The following CDKL5 variants were observed in gnomAD, a reference collection of about 807,000 sequenced individuals.
The protein encoded by CDKL5 is cyclin dependent kinase like 5, also known as cyclin-dependent kinase-like 5.
Under a neutral mutation model 61.7 loss-of-function variants are expected in CDKL5, and 8 were observed. The ratio of observed to expected loss-of-function variants is 0.13; its 90% CI spans 0.08 to 0.23. CDKL5 has a LOEUF of 0.23. Among genes scored for constraint, CDKL5 ranks in the 10% least tolerant of loss-of-function variants. The pLI, the probability that CDKL5 is intolerant of heterozygous loss-of-function variation, is 1.00. For synonymous variants in CDKL5, 275 were observed against 272.3 expected (o/e 1.01, Z -0.10); for missense variants, 440 against 734.5 (o/e 0.60, Z 4.63).
rs1465306538 is a variant in CDKL5 at position 18,632,653 on chromosome X, C to T, written c.*3896C>T. On this transcript the variant is annotated 3_prime_UTR_variant, in exon 18 of 18. Transcript: ENST00000623535. ...AAAACATGCTTTAAGATTCACCTTA[C>T]GCAGTTGTACTTTAATTCTAAGCTC... 3.1e-5 allele frequency: 23 copies of T among 752,324 alleles called. No individual in the cohort carries two copies. Among genetic ancestry groups the T allele is most frequent in the African/African-American group, 1.6e-4 (7 of 43,270 alleles). The allele number at this position is 752,324 out of a possible 1,213,427, so 62.0% of individuals were successfully genotyped here.
intron 15 of CDKL5, 65 bp downstream of exon 15, chrX:18,613,340 T>C: frequency 9.4e-7 from 1 of 1,060,607 alleles, no homozygotes; most frequent in Non-Finnish European, 1.3e-6. Flanking sequence ...TTGAAATAAA[T>C]TCTGGATGAG....
chrX:18,512,795 G>A (rs983333230), intron 3 of CDKL5, among the ~76,000 whole-genome samples: 1 of 111,159 alleles, frequency 9.0e-6, no homozygotes, highest in African/African-American at 3.3e-5. Context: ...TTAATGACTT[G>A]CCTTTAGTTA....
chrX:18,529,080 CT>C (rs57521306), intron 3 of CDKL5, among the ~76,000 whole-genome samples: 4,245 of 101,259 alleles, frequency 0.042, 243 homozygotes, highest in African/African-American at 0.14. Flanking sequence ...GTTGTACTTA[CT>C]TTTTTTTTTT....
intron 6 of CDKL5, among the ~76,000 whole-genome samples, chrX:18,581,009 T>C (rs908070981): frequency 1.8e-5 from 2 of 111,680 alleles, no homozygotes; most frequent in South Asian, 3.7e-4. Flanking sequence ...ATGATTCTAG[T>C]AACAGTCTAT....
chrX:18,640,227 C>A (rs1927516713), downstream of CDKL5: 1 of 111,520 alleles, frequency 9.0e-6, no homozygotes, highest in South Asian at 3.7e-4. Flanking sequence ...CTCCCTGCCT[C>A]ACTGTTTCCT....
Position 18,551,016 on chromosome X carries a change from A to G in CDKL5, c.100-13461A>G, listed in dbSNP as rs188363271. Among the ~76,000 whole-genome samples the G allele has an allele frequency of 1.7e-3, 189 of 112,055 alleles. 1 individual carries two copies. The highest frequency in any genetic ancestry group is 0.014 in the Middle Eastern group (3 of 216). ...ATGCATCTCAAATTTTATATGATCTATAAGTATGGAGCTAGACTGTTTTGA... is the reference window on the plus strand; with the variant it reads ...ATGCATCTCAAATTTTATATGATCTGTAAGTATGGAGCTAGACTGTTTTGA... On this transcript the variant is annotated intron_variant, in intron 3 of 17. Transcript: ENST00000623535.
chrX:18,580,100 G>A, intron 6 of CDKL5, 132 bp downstream of exon 6: 1 of 550,266 alleles, frequency 1.8e-6, no homozygotes, highest in East Asian at 3.6e-5. Context: ...TATTTTGAAA[G>A]TGCAAGACAT....
intron 1 of CDKL5, among the ~76,000 whole-genome samples, chrX:18,478,330 G>A (rs1013798522): frequency 1.2e-5 from 1 of 86,334 alleles, no homozygotes; most frequent in East Asian, 3.7e-4. Flanking sequence ...TCACTTTGTC[G>A]CCCAGGTTGG....
At chrX:18,452,819 GTTTTTTTTT>G (rs757726659) in intron 1 of CDKL5, among the ~76,000 whole-genome samples, 1 of 57,683 alleles carries the variant, frequency 1.7e-5, no homozygotes, top group East Asian at 7.2e-4. Flanking sequence ...TAGTTCTCAA[GTTTTTTTTT>G]TTTTTTTTTT....
At chrX:18,449,290 C>T (rs759871668) in intron 1 of CDKL5, among the ~76,000 whole-genome samples, 4 of 112,238 alleles carry the variant, frequency 3.6e-5, no homozygotes, top group Non-Finnish European at 5.6e-5. Flanking sequence ...TTATTTCTTT[C>T]GCTTATTTCA....
intron 3 of CDKL5, among the ~76,000 whole-genome samples, chrX:18,541,021 T>C (rs1432550416): frequency 8.9e-6 from 1 of 112,150 alleles, no homozygotes; most frequent in Non-Finnish European, 1.9e-5. Context: ...AAAATTGTGC[T>C]GTTTCCTTTT....
chrX:18,646,193 C>T, intron 20 of CDKL5: 4 of 1,143,669 alleles, frequency 3.5e-6, no homozygotes, highest in Non-Finnish European at 4.7e-6. Flanking sequence ...GCTCTGTCGC[C>T]CAGGCTGGTG....
intron 11 of CDKL5, among the ~76,000 whole-genome samples, chrX:18,599,684 G>T (rs906091311): frequency 5.4e-5 from 6 of 111,614 alleles, no homozygotes; most frequent in African/African-American, 2.0e-4. Flanking sequence ...CAAACTCCTG[G>T]CCTCAAACAG....
chrX:18,653,064 T>C (rs772849803), intron 21 of CDKL5, among the ~76,000 whole-genome samples: 90 of 112,546 alleles, frequency 8.0e-4, no homozygotes, highest in African/African-American at 2.8e-3. Context: ...CTTGAATATA[T>C]GTGACAATAT....
intron 21 of CDKL5, among the ~76,000 whole-genome samples, chrX:18,651,262 T>TGAGA (rs1338222386): frequency 4.2e-4 from 33 of 77,729 alleles, no homozygotes; most frequent in African/African-American, 1.6e-3. Flanking sequence ...TGTGTGTGTG[T>TGAGA]GTGAGAGAGA....
chrX:18,511,708 G>A (rs913332121), intron 3 of CDKL5, among the ~76,000 whole-genome samples: 2 of 111,668 alleles, frequency 1.8e-5, no homozygotes, highest in African/African-American at 6.5e-5. Flanking sequence ...TTTTCAGAAT[G>A]TATTCTTGTC....
rs904962214 is a variant in CDKL5 at position 18,640,005 on chromosome X, A to T, written c.*11248A>T. 9.0e-6 allele frequency: 1 copy of T among 111,679 alleles called. No individual in the cohort carries two copies. The highest frequency in any genetic ancestry group is 3.3e-5 in the African/African-American group (1 of 30,663). 9.2% of individuals were successfully genotyped at this position (111,679 alleles called of 1,213,427 possible). ...GGTTGCAGAGGGCTTGGGGTGGCCG[A>T]TGGGTTGGGGAGTGTTGGCTGATGG... On this transcript the variant is annotated 3_prime_UTR_variant, in exon 18 of 18. Coordinates refer to ENST00000623535, the MANE Select transcript of CDKL5 (RefSeq NM_001323289.2).
intron 1 of CDKL5, among the ~76,000 whole-genome samples, chrX:18,488,171 C>T (rs1413320297): frequency 9.0e-6 from 1 of 110,646 alleles, no homozygotes; most frequent in African/African-American, 3.3e-5. Flanking sequence ...AGATGAATTG[C>T]AACAAAACTT....
At chrX:18,431,857 A>C (rs978501262) in intron 1 of CDKL5, among the ~76,000 whole-genome samples, 8 of 109,799 alleles carry the variant, frequency 7.3e-5, no homozygotes, top group Non-Finnish European at 1.5e-4. Context: ...ATCACCCCCC[A>C]AAATTCTCTC....
Sources: allele counts gnomAD v4.1 joint callset (sites outside exome capture counted in the v4.1 genomes callset), GRCh38; gene constraint gnomAD v4.1.1; transcripts MANE v1.5; gene names NCBI Gene and HGNC (gene_info 2026-07-23, HGNC 2026-07-21).